Variants in WDR72 observed in about 807,000 individuals in gnomAD.
WDR72 encodes the protein WD repeat-containing protein 72.
WDR72 carries 120 observed loss-of-function variants against 124.2 expected under a neutral mutation model. The observed-to-expected ratio is 0.97, with a 90% CI of 0.83 to 1.12. WDR72 has a LOEUF of 1.12. Ranked by LOEUF, WDR72 falls within the 50% of genes most tolerant of loss-of-function variation. The pLI, the probability that WDR72 is intolerant of heterozygous loss-of-function variation, is 0.00. For missense variants in WDR72, 1,387 were observed against 1,278.8 expected (o/e 1.08, Z -1.29); for synonymous variants, 452 against 441.7 (o/e 1.02, Z -0.29).
intron 11 of WDR72, among the ~76,000 whole-genome samples, chr15:53,703,768 ACT>A (rs1361369847): frequency 6.6e-6 from 1 of 151,766 alleles, no homozygotes; most frequent in Non-Finnish European, 1.5e-5. Flanking sequence ...TAAACCACAA[ACT>A]CTCTTTATTC....
intron 13 of WDR72, among the ~76,000 whole-genome samples, chr15:53,687,536 C>A (rs1376013485): frequency 3.3e-5 from 5 of 151,166 alleles, no homozygotes; most frequent in African/African-American, 1.2e-4. Flanking sequence ...TCTGAATAGA[C>A]CAATAACAGG....
At position 53,716,800 on chromosome 15, in the gene WDR72, A is replaced by G. The variant is rs1339452352; in HGVS notation, c.261-115T>C. ...CTGATCATTTATGTGGCTTTTTGTT[A>G]CAGATTTTGGGCAAGAAAATGTTGT... is the stretch of plus-strand genomic sequence containing the variant. On this transcript the variant is annotated intron_variant, in intron 3 of 19. Coordinates refer to ENST00000360509, the MANE Select transcript of WDR72 (RefSeq NM_182758.4). 47 of 764,704 alleles carry G rather than the reference A, an allele frequency of 6.1e-5. No homozygotes were observed. In the East Asian group the frequency reaches 1.1e-3, roughly 19 times the overall value. The allele number at this position is 764,704 out of a possible 1,614,324, so 47.4% of individuals were successfully genotyped here. A position where few individuals can be genotyped will look rare whatever the true frequency, so the allele number is the denominator to read the frequency against.
At chr15:53,624,595 C>T (rs527733403) in intron 14 of WDR72, among the ~76,000 whole-genome samples, 1 of 152,264 alleles carries the variant, frequency 6.6e-6, no homozygotes, top group East Asian at 1.9e-4. Flanking sequence ...AATTTGTGTT[C>T]CTAAATATGG....
At chr15:53,716,961 T>C (rs1171257458) in intron 3 of WDR72, among the ~76,000 whole-genome samples, 3 of 152,212 alleles carry the variant, frequency 2.0e-5, no homozygotes, top group Non-Finnish European at 2.9e-5. Context: ...TCACAGCCTG[T>C]TAGTGACAGT....
intron 16 of WDR72, among the ~76,000 whole-genome samples, chr15:53,610,238 G>C (rs1436767581): frequency 6.6e-6 from 1 of 151,992 alleles, no homozygotes; most frequent in East Asian, 1.9e-4. Context: ...GTGAGTGCTT[G>C]GTCTATGTAA....
chr15:53,723,627 C>T (rs1315001981), intron 2 of WDR72, among the ~76,000 whole-genome samples: 1 of 152,154 alleles, frequency 6.6e-6, no homozygotes, highest in Non-Finnish European at 1.5e-5. Context: ...GGTTCCAGGA[C>T]ACAGCTGCCC....
chr15:53,648,621 T>C (rs1301897175), intron 14 of WDR72, among the ~76,000 whole-genome samples: 4 of 152,172 alleles, frequency 2.6e-5, no homozygotes, highest in Non-Finnish European at 4.4e-5. Context: ...GATTTGTATG[T>C]GTATTCACAT....
At chr15:53,524,257 T>C (rs1167409228) in intron 18 of WDR72, among the ~76,000 whole-genome samples, 2 of 152,138 alleles carry the variant, frequency 1.3e-5, no homozygotes, top group African/African-American at 4.8e-5. Context: ...GGAATTTTAT[T>C]TATTACAAGT....
intron 14 of WDR72, among the ~76,000 whole-genome samples, chr15:53,639,577 T>C (rs985002254): frequency 1.4e-5 from 2 of 144,894 alleles, no homozygotes; most frequent in African/African-American, 4.9e-5. Context: ...TATAATGTTA[T>C]AAATTAAAAA....
chr15:53,571,751 A>C (rs1894533809), intron 18 of WDR72, among the ~76,000 whole-genome samples: 1 of 142,978 alleles, frequency 7.0e-6, no homozygotes, highest in South Asian at 2.3e-4. Context: ...TTGCTGAATC[A>C]ACAGCAGTTC....
At chr15:53,761,264 G>A (rs1186734574), upstream of WDR72, among the ~76,000 whole-genome samples, 1 of 152,156 alleles carries the variant, frequency 6.6e-6, no homozygotes, top group Non-Finnish European at 1.5e-5. Context: ...AAACTACAAT[G>A]GGATATCATC....
intron 14 of WDR72, among the ~76,000 whole-genome samples, chr15:53,624,255 A>G (rs1414514556): frequency 6.6e-6 from 1 of 152,240 alleles, no homozygotes; most frequent in Non-Finnish European, 1.5e-5. Context: ...ATAGATCCGT[A>G]TAAACTCTAC....
At chr15:53,713,192 G>GAAGA (rs2017597485) in intron 6 of WDR72, among the ~76,000 whole-genome samples, 1 of 133,762 alleles carries the variant, frequency 7.5e-6, no homozygotes, top group Non-Finnish European at 1.5e-5. Flanking sequence ...TGTATTTCTT[G>GAAGA]AAAAAAAAAA....
At chr15:53,527,878 A>G (rs1005861345) in intron 18 of WDR72, among the ~76,000 whole-genome samples, 1 of 151,972 alleles carries the variant, frequency 6.6e-6, no homozygotes, top group African/African-American at 2.4e-5. Context: ...TACTAGCTCA[A>G]TATGGTAGCC....
intron 18 of WDR72, among the ~76,000 whole-genome samples, chr15:53,529,937 GC>G (rs1892359312): frequency 6.6e-6 from 1 of 151,908 alleles, no homozygotes; most frequent in Non-Finnish European, 1.5e-5. Flanking sequence ...TGGTACAACT[GC>G]ATTCCTTCCT....
intron 18 of WDR72, among the ~76,000 whole-genome samples, chr15:53,570,258 TACC>T (rs1894462732): frequency 1.2e-5 from 1 of 86,066 alleles, no homozygotes; most frequent in African/African-American, 4.3e-5. Flanking sequence ...TTACCTCATA[TACC>T]ATTTTTTTTT....
At chr15:53,519,718 G>A (rs922423392) in intron 19 of WDR72, among the ~76,000 whole-genome samples, 2 of 152,002 alleles carry the variant, frequency 1.3e-5, no homozygotes. Context: ...ACTCACCTGG[G>A]TATACAGCTT....
At chr15:53,697,986 T>C (rs563290846) in intron 13 of WDR72, among the ~76,000 whole-genome samples, 1 of 152,280 alleles carries the variant, frequency 6.6e-6, no homozygotes, top group South Asian at 2.1e-4. Flanking sequence ...TTTTTTTATA[T>C]TTTTAGTAGA....
At chr15:53,556,663 C>G (rs1432590069) in intron 18 of WDR72, among the ~76,000 whole-genome samples, 1 of 152,042 alleles carries the variant, frequency 6.6e-6, no homozygotes, top group Non-Finnish European at 1.5e-5. Context: ...ATAGAGAATC[C>G]TTTTTGATGA....
Sources: allele counts gnomAD v4.1 joint callset (sites outside exome capture counted in the v4.1 genomes callset), GRCh38; gene constraint gnomAD v4.1.1; transcripts MANE v1.5; gene names NCBI Gene and HGNC (gene_info 2026-07-23, HGNC 2026-07-21).